The following EPB41L3 variants were observed in gnomAD, a reference collection of about 807,000 sequenced individuals.
EPB41L3 encodes band 4.1-like protein 3.
In EPB41L3, 57 loss-of-function variants were observed where a neutral mutation model predicts 127.1. That is an observed-to-expected ratio of 0.45 (90% CI 0.36 to 0.56). EPB41L3 has a LOEUF of 0.56. EPB41L3 is among the 20% of genes least tolerant of loss of function. The pLI, the probability that EPB41L3 is intolerant of heterozygous loss-of-function variation, is 0.00. For missense variants in EPB41L3, 1,273 were observed against 1,372.2 expected (o/e 0.93, Z 1.14); for synonymous variants, 572 against 549.5 (o/e 1.04, Z -0.57).
intron 14 of EPB41L3, among the ~76,000 whole-genome samples, chr18:5,410,135 C>G (rs2076012970): frequency 6.6e-6 from 1 of 151,676 alleles, no homozygotes; most frequent in African/African-American, 2.4e-5. Flanking sequence ...TGTATCAAGC[C>G]AAAATACTAG....
rs2143824072 is a variant in EPB41L3 at position 5,397,913 on chromosome 18, T to C, written c.2472+108A>G. ...AATAAGTGAAGACACCTTTGAGATG[T>C]TGAAGGCAAAGCCAGCTGGATGCAA... On this transcript the variant is annotated intron_variant, in intron 17 of 22. Transcript: ENST00000341928. The surrounding 1 kb of genome is among the most constrained non-coding windows in gnomAD (Gnocchi z 4.1). The C allele has an allele frequency of 1.5e-6, 2 of 1,349,348 alleles. No individual in the cohort carries two copies. Among genetic ancestry groups the C allele is most frequent in the Non-Finnish European group, 2.1e-6 (2 of 962,752 alleles). 83.6% of individuals were successfully genotyped at this position (1,349,348 alleles called of 1,614,324 possible).
At chr18:5,469,725 G>T (rs985123390) in intron 3 of EPB41L3, among the ~76,000 whole-genome samples, 1 of 152,110 alleles carries the variant, frequency 6.6e-6, no homozygotes, top group African/African-American at 2.4e-5. Context: ...GTCCACGCTG[G>T]AGACAAATAC....
intron 16 of EPB41L3, among the ~76,000 whole-genome samples, chr18:5,401,647 T>C (rs984176097): frequency 7.9e-5 from 12 of 152,188 alleles, no homozygotes; most frequent in Admixed American, 3.3e-4. Flanking sequence ...ACATGGTTAA[T>C]AATTTTTTAA....
intron 3 of EPB41L3, among the ~76,000 whole-genome samples, chr18:5,564,185 G>A (rs987832994): frequency 6.6e-6 from 1 of 152,084 alleles, no homozygotes; most frequent in Non-Finnish European, 1.5e-5. Context: ...ATCAAGGAGT[G>A]AAAGATTTAA....
rs1433873793 is a variant in EPB41L3 at position 5,543,640 on chromosome 18, C to T, written c.-12+273G>A. Among the ~76,000 whole-genome samples, 1 of 147,078 alleles carries T rather than the reference C, an allele frequency of 6.8e-6. No individual in the cohort carries two copies. Among genetic ancestry groups the T allele is most frequent in the African/African-American group, 2.4e-5 (1 of 40,956 alleles). ...AGGCCGGGGCTCAGGCTCTGCGCGC[C>T]GGCCCAGCCACTACTGCGCCGCGGC... On this transcript the variant is annotated intron_variant, in intron 1 of 22. Coordinates refer to ENST00000341928, the MANE Select transcript of EPB41L3 (RefSeq NM_012307.5). The surrounding 1 kb of genome is among the most constrained non-coding windows in gnomAD (Gnocchi z 5.2).
intron 3 of EPB41L3, among the ~76,000 whole-genome samples, chr18:5,591,807 A>G (rs112350757): frequency 8.9e-4 from 135 of 152,328 alleles, no homozygotes; most frequent in Non-Finnish European, 1.6e-3. Context: ...AAACTTTCAA[A>G]ATATTTCAAT....
At chr18:5,507,990 GA>G (rs1475397839) in intron 1 of EPB41L3, among the ~76,000 whole-genome samples, 1 of 152,162 alleles carries the variant, frequency 6.6e-6, no homozygotes, top group Non-Finnish European at 1.5e-5. Flanking sequence ...GAACTCCACT[GA>G]AAATCTGAGC....
At chr18:5,570,082 A>G (rs1316438891) in intron 3 of EPB41L3, 2 of 150,398 alleles carry the variant, frequency 1.3e-5, no homozygotes, top group African/African-American at 5.0e-5. Flanking sequence ...ACCTTATTGG[A>G]AAAGGCGACA....
Position 5,438,000 on chromosome 18 carries a change from T to C in EPB41L3, c.605+35A>G, listed in dbSNP as rs773895519. ...TTTAAGAGAAGCACAACTCTCCCAA[T>C]ATGCTTGTCTTTTGCATAGCCAACT... On this transcript the variant is annotated intron_variant, in intron 6 of 22. Transcript: ENST00000341928. 9.4e-6 allele frequency: 15 copies of C among 1,593,594 alleles called. No individual in the cohort carries two copies. In the African/African-American group the frequency reaches 1.1e-4, roughly 11 times the overall value.
chr18:5,574,348 C>T (rs1684771388), intron 3 of EPB41L3, among the ~76,000 whole-genome samples: 2 of 150,578 alleles, frequency 1.3e-5, no homozygotes, highest in South Asian at 4.2e-4. Context: ...CTGAGACTAT[C>T]AGCACATGCT....
In EPB41L3 at chr18:5,543,973, C is replaced by A. The variant is rs900241964; in HGVS notation, c.-72G>T. ...TGGGGACTAGGCTCGGGCGCGCGTC[C>A]TCGGCGGCGGTGCGCAGGAGACTCG... is the stretch of plus-strand genomic sequence containing the variant. On this transcript the variant is annotated 5_prime_UTR_variant, in exon 1 of 23. It adds an upstream start codon to the 5' untranslated region. Coordinates refer to ENST00000341928, the MANE Select transcript of EPB41L3 (RefSeq NM_012307.5). This position sits in a 1 kb window ranked among gnomAD's most constrained non-coding sequence, Gnocchi z 5.2. The A allele has an allele frequency of 6.1e-6, 6 of 985,534 alleles. No individual in the cohort carries two copies. Among genetic ancestry groups the A allele is most frequent in the Non-Finnish European group, 7.2e-6 (6 of 830,110 alleles). 61.0% of individuals were successfully genotyped at this position (985,534 alleles called of 1,614,324 possible).
chr18:5,565,234 TAAAA>T (rs542697365), intron 3 of EPB41L3, among the ~76,000 whole-genome samples: 1 of 131,786 alleles, frequency 7.6e-6, no homozygotes. Flanking sequence ...CCATCTCTAC[TAAAA>T]AAAAAAAAAA....
intron 11 of EPB41L3, among the ~76,000 whole-genome samples, chr18:5,422,670 A>G (rs12606598): frequency 0.93 from 141,382 of 152,202 alleles, 66,523 homozygotes; most frequent in East Asian, 1. Flanking sequence ...GTGTACCTCC[A>G]TATTACTTCA....
chr18:5,565,466 T>A (rs1489549260), intron 3 of EPB41L3, among the ~76,000 whole-genome samples: 2 of 151,372 alleles, frequency 1.3e-5, no homozygotes, highest in Admixed American at 1.3e-4. Context: ...TTTTTTTTTT[T>A]AATTATACTT....
At chr18:5,515,980 A>T (rs1224750267) in intron 1 of EPB41L3, among the ~76,000 whole-genome samples, 1 of 152,200 alleles carries the variant, frequency 6.6e-6, no homozygotes, top group Non-Finnish European at 1.5e-5. Flanking sequence ...CCCTGACTAT[A>T]AAAGCTGCTA....
upstream of EPB41L3, chr18:5,544,100 C>G (rs1598874922): frequency 1.0e-6 from 1 of 985,514 alleles, no homozygotes; most frequent in Non-Finnish European, 1.2e-6. Flanking sequence ...CGGGGGCCCA[C>G]GCCCAGAGAC....
At chr18:5,469,432 G>T (rs75155482) in intron 3 of EPB41L3, among the ~76,000 whole-genome samples, 1 of 152,034 alleles carries the variant, frequency 6.6e-6, no homozygotes, top group Non-Finnish European at 1.5e-5. Context: ...TGTCTGCCCC[G>T]CCATAGCAGC....
intron 2 of EPB41L3, among the ~76,000 whole-genome samples, chr18:5,487,244 C>A (rs1026271766): frequency 5.9e-5 from 9 of 152,166 alleles, no homozygotes; most frequent in African/African-American, 2.2e-4. Flanking sequence ...ACAAATACTG[C>A]ATCTTCTCAC....
intron 13 of EPB41L3, among the ~76,000 whole-genome samples, chr18:5,412,868 TAA>T (rs769861828): frequency 0.091 from 11,006 of 120,792 alleles, 638 homozygotes; most frequent in African/African-American, 0.18. Flanking sequence ...CACTCAGAGC[TAA>T]AAAAAAAAAA....
Sources: gnomAD v4.1 joint callset for allele counts (sites outside exome capture counted in the v4.1 genomes callset) on GRCh38, gnomAD v4.1.1 for gene constraint, Gnocchi (gnomAD v3.1) non-coding constraint, MANE v1.5 for transcripts, NCBI Gene and HGNC (gene_info 2026-07-23, HGNC 2026-07-21) for gene names.